CLBA1: variants seen among roughly 807,000 people sequenced by gnomAD.
The protein encoded by CLBA1 is uncharacterized protein CLBA1.
In CLBA1, 30 loss-of-function variants were observed where a neutral mutation model predicts 28.8. The observed-to-expected ratio is 1.04, with a 90% CI of 0.78 to 1.41. CLBA1 has a LOEUF of 1.41. Ranked by LOEUF, CLBA1 falls within the 40% of genes most tolerant of loss-of-function variation. CLBA1 has a pLI of 0.00. For missense variants in CLBA1, 451 were observed against 412.3 expected, an observed-to-expected ratio of 1.09 and a Z score of -0.81; for synonymous variants, 160 against 152.8, an observed-to-expected ratio of 1.05 and a Z score of -0.35.
At chr14:104,993,291 G>C (rs988123308) in intron 4 of CLBA1, 9 of 985,450 alleles carry the variant, frequency 9.1e-6, no homozygotes, top group Non-Finnish European at 1.1e-5. Context: ...TCTCAGGCCA[G>C]AGGACCCAGG....
downstream of CLBA1, among the ~76,000 whole-genome samples, chr14:104,998,978 A>C (rs998092413): frequency 6.6e-6 from 1 of 152,236 alleles, no homozygotes; most frequent in East Asian, 1.9e-4. Flanking sequence ...AGCTGTCTGC[A>C]GTCAGTGCTG....
intron 2 of CLBA1, chr14:104,989,919 C>T (rs1197132386): frequency 8.6e-6 from 3 of 347,864 alleles, no homozygotes; most frequent in Non-Finnish European, 1.7e-5. Flanking sequence ...CCCACCGTGT[C>T]CTCTGCTGGG....
At chr14:104,991,806 G>C (rs938853430) in intron 3 of CLBA1, among the ~76,000 whole-genome samples, 186 bp downstream of exon 3, 1 of 152,196 alleles carries the variant, frequency 6.6e-6, no homozygotes, top group Non-Finnish European at 1.5e-5. Flanking sequence ...TGAGGCAGGA[G>C]CCAGCAAAGC....
chr14:104,988,355 C>T (rs1442267035), intron 1 of CLBA1, among the ~76,000 whole-genome samples: 15 of 122,800 alleles, frequency 1.2e-4, no homozygotes, highest in East Asian at 2.3e-4. Flanking sequence ...TTTTTTGAGA[C>T]GGAGTCTCTC....
rs1225778995 is a variant in CLBA1, at chr14:104,986,873, G to C, written c.423+19G>C. 1.2e-6 allele frequency: 2 copies of C among 1,609,996 alleles called. No individual in the cohort carries two copies. The highest frequency in any genetic ancestry group is 2.7e-5 in the African/African-American group (2 of 74,874). ...TTCTGAGGTATTTCTGCTGTGCTGTGGTCACCATGTTGAGTGGGACGTGTA... is the reference window on the plus strand; with the variant it reads ...TTCTGAGGTATTTCTGCTGTGCTGTCGTCACCATGTTGAGTGGGACGTGTA... On this transcript the variant is annotated intron_variant, in intron 1 of 4. Transcript: ENST00000547315.
At position 104,993,049 on chromosome 14, in the gene CLBA1, C is replaced by T. The variant is rs926560477; in HGVS notation, c.801C>T (p.Ala267=). ...VSSFCLQHCK[A]LIQTKLSGPP... is the part of the protein sequence containing the mutation. ...GCTTCTGTCTCCAGCATTGCAAAGCCCTGATCCAGACCAAGGTGAGTGGTC... is the reference window on the plus strand; with the variant it reads ...GCTTCTGTCTCCAGCATTGCAAAGCTCTGATCCAGACCAAGGTGAGTGGTC... Residue 267 remains alanine (A), a synonymous_variant, in exon 4 of 5, where the codon GCC becomes GCT. Transcript: ENST00000547315. 2 of 1,613,768 alleles carry T rather than the reference C, an allele frequency of 1.2e-6. No homozygotes were observed. The highest frequency in any genetic ancestry group is 1.7e-6 in the Non-Finnish European group (2 of 1,179,934).
At chr14:104,989,555 T>C (rs1447953290) in intron 2 of CLBA1, 1 of 455,186 alleles carries the variant, frequency 2.2e-6, no homozygotes, top group African/African-American at 2.0e-5. Context: ...CCAGGGGTGC[T>C]CCCGGTGCTG....
chr14:104,991,627 G>C lies in CLBA1; in HGVS notation c.699+7G>C, dbSNP rs758221845. 1 of 1,604,492 alleles carries C rather than the reference G, an allele frequency of 6.2e-7. No homozygotes were observed. The highest frequency in any genetic ancestry group is 1.3e-5 in the African/African-American group (1 of 74,394). On this transcript the variant is annotated splice_region_variant and intron_variant, in intron 3 of 4. Transcript: ENST00000547315. The stretch of plus-strand genomic sequence containing the variant: ...AATAGATGCTGCGCAGAAGGTAGGC[G>C]GTTTGGGTTGACACAGGGCTCCTGG...
chr14:104,993,885 G>A (rs1365669066), intron 4 of CLBA1: 8 of 985,412 alleles, frequency 8.1e-6, no homozygotes, highest in Middle Eastern at 5.2e-4. Flanking sequence ...CCTGTGGCCT[G>A]GTAGGAGGTA....
rs116352190 is a variant in CLBA1, at chr14:104,993,267, C to T, written c.816+203C>T. 1.4e-4 allele frequency: 140 copies of T among 985,424 alleles called. No homozygotes were observed. The African/African-American group carries it at 2.4e-3, about 17-fold the overall frequency. The allele number at this position is 985,424 out of a possible 1,614,324, so 61.0% of individuals were successfully genotyped here. A position where few individuals can be genotyped will look rare whatever the true frequency, so the allele number is the denominator to read the frequency against. On this transcript the variant is annotated intron_variant, in intron 4 of 4. Transcript: ENST00000547315. ...TGCAGGGTGCCAAGGAATATAAATA[C>T]CATCCGGAAAGACTCTCAGGCCAGA... is the stretch of plus-strand genomic sequence containing the variant.
intron 1 of CLBA1, among the ~76,000 whole-genome samples, chr14:104,987,982 C>T (rs1234796964): frequency 1.3e-5 from 2 of 152,046 alleles, no homozygotes; most frequent in Middle Eastern, 3.2e-3. Flanking sequence ...ATGAGATCCA[C>T]TCTTAATAGA....
At chr14:104,989,198 T>TA in intron 2 of CLBA1, 110 bp downstream of exon 2, 3 of 1,087,512 alleles carry the variant, frequency 2.8e-6, no homozygotes, top group Non-Finnish European at 2.6e-6. Context: ...GCATCTCTCC[T>TA]GAGGTCCCTG....
chr14:104,995,268 G>T lies in CLBA1; in HGVS notation c.*509G>T, dbSNP rs565858871. The T allele has an allele frequency of 5.1e-6, 5 of 985,864 alleles. No individual in the cohort carries two copies. In the South Asian group the frequency reaches 1.9e-4, roughly 37 times the overall value. The allele number at this position is 985,864 out of a possible 1,614,324, so 61.1% of individuals were successfully genotyped here. On this transcript the variant is annotated 3_prime_UTR_variant, in exon 5 of 5. Transcript: ENST00000547315. The stretch of plus-strand genomic sequence containing the variant: ...CAGGGCACCATGAGGGTGTACAGAT[G>T]TGCTGTGTCCTCAGAGCCTCGCAGG...
intron 2 of CLBA1, chr14:104,990,474 T>G (rs1443468868): frequency 3.0e-5 from 4 of 132,588 alleles, no homozygotes; most frequent in Non-Finnish European, 5.9e-5. Flanking sequence ...AATTTTTGTA[T>G]TTTTTGTAGA....
downstream of CLBA1, among the ~76,000 whole-genome samples, chr14:104,998,960 C>G (rs1007535141): frequency 2.0e-5 from 3 of 152,252 alleles, no homozygotes; most frequent in Non-Finnish European, 4.4e-5. Flanking sequence ...CAGCTACTGC[C>G]GCTTCCCAGC....
chr14:105,000,263 G>A, downstream of CLBA1, among the ~76,000 whole-genome samples: 1 of 151,784 alleles, frequency 6.6e-6, no homozygotes, highest in East Asian at 1.9e-4. Context: ...AAAAGGACCT[G>A]AACAGACATT....
chr14:104,994,590 C>T lies in CLBA1; in HGVS notation c.817-8C>T, dbSNP rs758298861. ...TGCGCGCGCCTGACTGCTGTCCTCT[C>T]ATCTCAGCTCTCGGGGCCGCCTGGC... is the stretch of plus-strand genomic sequence containing the variant. On this transcript the variant is annotated splice_polypyrimidine_tract_variant and splice_region_variant and intron_variant, in intron 4 of 4. Coordinates refer to ENST00000547315, the MANE Select transcript of CLBA1 (RefSeq NM_174891.4). The T allele has an allele frequency of 1.9e-6, 3 of 1,602,714 alleles. No individual in the cohort carries two copies. The East Asian group carries it at 6.7e-5, about 36-fold the overall frequency.
In CLBA1 at chr14:104,995,184, C is replaced by T; in HGVS notation, c.*425C>T. Reference sequence around the variant, plus strand: ...CACTGAAACGTCACCAGAGAGACAGCTGTTGAGACCGCTCAGAAACCCTCT... The same window carrying T: ...CACTGAAACGTCACCAGAGAGACAGTTGTTGAGACCGCTCAGAAACCCTCT... On this transcript the variant is annotated 3_prime_UTR_variant, in exon 5 of 5. Transcript: ENST00000547315. 1.0e-6 allele frequency: 1 copy of T among 988,404 alleles called. No homozygotes were observed. The highest frequency in any genetic ancestry group is 4.7e-5 in the South Asian group (1 of 21,462). 61.2% of individuals were successfully genotyped at this position (988,404 alleles called of 1,614,324 possible). A position where few individuals can be genotyped will look rare whatever the true frequency, so the allele number is the denominator to read the frequency against.
Position 104,994,929 on chromosome 14 carries a change from G to C in CLBA1, c.*170G>C. 7.4e-7 allele frequency: 1 copy of C among 1,354,246 alleles called. No individual in the cohort carries two copies. The highest frequency in any genetic ancestry group is 9.5e-7 in the Non-Finnish European group (1 of 1,056,080). 83.9% of individuals were successfully genotyped at this position (1,354,246 alleles called of 1,614,324 possible). A position where few individuals can be genotyped will look rare whatever the true frequency, so the allele number is the denominator to read the frequency against. ...CTGGGCTTGTCTCGGGTCTGACCAG[G>C]AGATGGAGGATGTGTCCTTGGCAGA... On this transcript the variant is annotated 3_prime_UTR_variant, in exon 5 of 5. Transcript: ENST00000547315.
Sources: gnomAD v4.1 joint callset for allele counts (sites outside exome capture counted in the v4.1 genomes callset) on GRCh38, gnomAD v4.1.1 for gene constraint, MANE v1.5 for transcripts, NCBI Gene and HGNC (gene_info 2026-07-23, HGNC 2026-07-21) for gene names.